The following JAKMIP3 variants were observed in gnomAD, a reference collection of about 807,000 sequenced individuals.
JAKMIP3 encodes Janus kinase and microtubule interacting protein 3, also known as janus kinase and microtubule-interacting protein 3.
A neutral mutation model predicts 118.5 loss-of-function variants in JAKMIP3; 58 were observed. The observed-to-expected ratio is 0.49, with a 90% CI of 0.40 to 0.61. JAKMIP3 has a LOEUF of 0.61. Among genes scored for constraint, JAKMIP3 ranks in the 20% least tolerant of loss-of-function variants. JAKMIP3 has a pLI of 0.00. For missense variants in JAKMIP3, 950 were observed against 1,109.0 expected (o/e 0.86, Z 2.04); for synonymous variants, 486 against 451.2 (o/e 1.08, Z -0.98).
In JAKMIP3 at chr10:132,182,720, C is replaced by T. The variant is rs2061596974; in HGVS notation, c.*1467C>T. The stretch of plus-strand genomic sequence containing the variant: ...TGTATAAAAGACACGACTCAGCTGC[C>T]GTAGGGAGGACTGGGTTGTCTGGAA... On this transcript the variant is annotated 3_prime_UTR_variant, in exon 24 of 24. Transcript: ENST00000684848. The T allele has an allele frequency of 6.6e-6, 1 of 152,044 alleles. No individual in the cohort carries two copies. Among genetic ancestry groups the T allele is most frequent in the African/African-American group, 2.4e-5 (1 of 41,368 alleles). 9.4% of individuals were successfully genotyped at this position (152,044 alleles called of 1,614,324 possible).
chr10:132,102,055 C>G (rs2045029707), intron 1 of JAKMIP3, among the ~76,000 whole-genome samples: 1 of 152,114 alleles, frequency 6.6e-6, no homozygotes, highest in South Asian at 2.1e-4. Context: ...CCCCTTAGAG[C>G]AGCTTGTTAT....
rs1253415032 is a variant in JAKMIP3 at position 132,109,101 on chromosome 10, TATAC to T, written c.135+4160_135+4163del. On this transcript the variant is annotated intron_variant, in intron 2 of 23. Transcript: ENST00000684848. ...ACATATATATACACACACATATATA[TATAC>T]ACACACACATATATATATACACACA... is the stretch of plus-strand genomic sequence containing the variant. Among the ~76,000 whole-genome samples the T allele has an allele frequency of 6.2e-4, 89 of 144,280 alleles. 2 individuals carry two copies. Among genetic ancestry groups the T allele is most frequent in the South Asian group, 3.9e-3 (18 of 4,576 alleles). 94.7% of individuals were successfully genotyped at this position (144,280 alleles called of 152,430 possible). A position where few individuals can be genotyped will look rare whatever the true frequency, so the allele number is the denominator to read the frequency against.
chr10:132,109,573 C>T (rs1407593508), intron 2 of JAKMIP3, among the ~76,000 whole-genome samples: 1 of 152,198 alleles, frequency 6.6e-6, no homozygotes, highest in East Asian at 1.9e-4. Flanking sequence ...GAGACCTCAG[C>T]TCATTGCACC....
At chr10:132,076,457 G>A (rs1277777517) in intron 1 of JAKMIP3, among the ~76,000 whole-genome samples, 2 of 152,272 alleles carry the variant, frequency 1.3e-5, no homozygotes, top group East Asian at 1.9e-4. Flanking sequence ...TGTGAGTCAC[G>A]TTGCCGTGAA....
At chr10:132,122,254 C>A (rs1001938033) in intron 3 of JAKMIP3, among the ~76,000 whole-genome samples, 3 of 151,674 alleles carry the variant, frequency 2.0e-5, no homozygotes, top group Admixed American at 1.3e-4. Context: ...GCCCTGACTG[C>A]CCCCCGGTCG....
intron 1 of JAKMIP3, among the ~76,000 whole-genome samples, chr10:132,068,445 C>T (rs1235534945): frequency 2.0e-5 from 3 of 152,112 alleles, no homozygotes; most frequent in African/African-American, 7.2e-5. Flanking sequence ...TTTGAAAGAG[C>T]CTATGTTGGC....
At chr10:132,129,559 C>CCT (rs1564932650) in intron 3 of JAKMIP3, among the ~76,000 whole-genome samples, 1 of 152,194 alleles carries the variant, frequency 6.6e-6, no homozygotes, top group Non-Finnish European at 1.5e-5. Flanking sequence ...ACAGAAGAGG[C>CCT]CTCTGCAGCT....
rs528580217 is a variant in JAKMIP3, at chr10:132,112,616, G to C, written c.136-4461G>C. Among the ~76,000 whole-genome samples, 2 of 152,324 alleles carry C rather than the reference G, an allele frequency of 1.3e-5. No homozygotes were observed. The highest frequency in any genetic ancestry group is 3.9e-4 in the East Asian group (2 of 5,186). ...TGTGAATGTCTTGCATTTTAAAGAA[G>C]TCTCCTGCCTTCCCCTGGGGACTGT... is the stretch of plus-strand genomic sequence containing the variant. On this transcript the variant is annotated intron_variant, in intron 2 of 23. Coordinates refer to ENST00000684848, the MANE Select transcript of JAKMIP3 (RefSeq NM_001323087.2). This position sits in a 1 kb window ranked among gnomAD's most constrained non-coding sequence, Gnocchi z 4.3.
chr10:132,104,843 G>A lies in JAKMIP3; in HGVS notation c.35G>A (p.Gly12Glu), dbSNP rs1419766592. 1.2e-5 allele frequency: 18 copies of A among 1,554,900 alleles called. No homozygotes were observed. Among genetic ancestry groups the A allele is most frequent in the Non-Finnish European group, 1.5e-5 (17 of 1,149,228 alleles). The change falls in exon 2 of 24, where the codon GGG becomes GAG. Residue 12 changes from glycine to glutamate, a missense_variant. By Grantham distance (98) the Gly-to-Glu change is moderately conservative. Coordinates refer to ENST00000684848, the MANE Select transcript of JAKMIP3 (RefSeq NM_001323087.2). ...AGGGGCATGAGCAGCCGGGCCAAGGGGGACAAGGCAGAGGCCCTCGCGGCG... is the reference window on the plus strand; with the variant it reads ...AGGGGCATGAGCAGCCGGGCCAAGGAGGACAAGGCAGAGGCCCTCGCGGCG... ...SKRGMSSRAK[G>E]DKAEALAALQ...
chr10:132,104,666 C>A lies in JAKMIP3; in HGVS notation c.-137-6C>A. 1.2e-6 allele frequency: 1 copy of A among 833,994 alleles called. No homozygotes were observed. Among genetic ancestry groups the A allele is most frequent in the Non-Finnish European group, 1.9e-6 (1 of 533,326 alleles). 51.7% of individuals were successfully genotyped at this position (833,994 alleles called of 1,614,324 possible). A position where few individuals can be genotyped will look rare whatever the true frequency, so the allele number is the denominator to read the frequency against. On this transcript the variant is annotated splice_region_variant and splice_polypyrimidine_tract_variant and intron_variant, in intron 1 of 23. Transcript: ENST00000684848. ...GCTGCTCACCGCGGTGTGCTTTCCCCTCCAGGTGAATGAGAAGATGTAGTG... is the reference window on the plus strand; with the variant it reads ...GCTGCTCACCGCGGTGTGCTTTCCCATCCAGGTGAATGAGAAGATGTAGTG...
At chr10:132,066,615 T>G (rs927490280) in intron 1 of JAKMIP3, among the ~76,000 whole-genome samples, 1 of 152,250 alleles carries the variant, frequency 6.6e-6, no homozygotes, top group Non-Finnish European at 1.5e-5. Flanking sequence ...GCGCATTGAT[T>G]GGATGGTGTC....
chr10:132,101,887 A>G (rs192134548), intron 1 of JAKMIP3, among the ~76,000 whole-genome samples: 5 of 152,128 alleles, frequency 3.3e-5, no homozygotes, highest in Non-Finnish European at 7.4e-5. Flanking sequence ...GCCCTTCCCC[A>G]GTGGGTTCTT....
chr10:132,130,068 C>G (rs2050281417), intron 3 of JAKMIP3, among the ~76,000 whole-genome samples: 1 of 152,000 alleles, frequency 6.6e-6, no homozygotes, highest in African/African-American at 2.4e-5. Context: ...TCTGGGACAT[C>G]AAGGGGCTTG....
intron 20 of JAKMIP3, among the ~76,000 whole-genome samples, chr10:132,163,672 G>C (rs1026066084): frequency 1.4e-4 from 22 of 152,128 alleles, no homozygotes; most frequent in African/African-American, 5.1e-4. Flanking sequence ...CCCCCTGCTG[G>C]CCACACCCTC....
intron 18 of JAKMIP3, 37 bp from the exon 19 acceptor site, chr10:132,153,876 A>G (rs1589968249): frequency 1.2e-6 from 2 of 1,612,464 alleles, no homozygotes; most frequent in African/African-American, 1.3e-5. Context: ...TGCAGGTGGG[A>G]CATCCGAGAC....
intron 5 of JAKMIP3, among the ~76,000 whole-genome samples, chr10:132,135,640 C>T (rs535244005): frequency 2.6e-5 from 4 of 152,240 alleles, no homozygotes; most frequent in African/African-American, 7.2e-5. Context: ...GTCAATGGGA[C>T]GGGACTCACC....
intron 8 of JAKMIP3, 146 bp downstream of exon 8, chr10:132,137,435 C>A: frequency 1.0e-6 from 1 of 969,756 alleles, no homozygotes; most frequent in Non-Finnish European, 1.5e-6. Context: ...GCAGTGCCAC[C>A]TGGCCAAGGC....
At chr10:132,047,079 T>G (rs1888121) in intron 1 of JAKMIP3, among the ~76,000 whole-genome samples, 135,144 of 152,070 alleles carry the variant, frequency 0.89, 60,246 homozygotes, top group East Asian at 1. Flanking sequence ...TGGAGACAGG[T>G]TCTCACTATG....
chr10:132,148,488 C>T (rs182860967), intron 14 of JAKMIP3, among the ~76,000 whole-genome samples: 155 of 96,668 alleles, frequency 1.6e-3, no homozygotes, highest in Non-Finnish European at 3.3e-3. Flanking sequence ...TCCATCCACC[C>T]CCAAGGAGCC....
Sources: gnomAD v4.1 joint callset for allele counts (sites outside exome capture counted in the v4.1 genomes callset) on GRCh38, gnomAD v4.1.1 for gene constraint, Gnocchi (gnomAD v3.1) non-coding constraint, MANE v1.5 for transcripts, NCBI Gene and HGNC (gene_info 2026-07-23, HGNC 2026-07-21) for gene names.